MKX: variants seen among roughly 807,000 people sequenced by gnomAD.
The protein encoded by MKX is homeobox protein Mohawk.
In MKX, 13 loss-of-function variants were observed where a neutral mutation model predicts 36.0. That is an observed-to-expected ratio of 0.36 (90% CI 0.24 to 0.57). MKX has a LOEUF of 0.57. MKX is among the 20% of genes least tolerant of loss of function. The probability of loss-of-function intolerance (pLI) is 0.79; values close to 1 mark genes in which losing one functional copy is unlikely to be tolerated. For missense variants in MKX, 458 were observed against 456.4 expected (o/e 1.00, Z -0.03); for synonymous variants, 176 against 178.3 (o/e 0.99, Z 0.10).
At chr10:27,689,418 G>A (rs1291531259) in intron 5 of MKX, among the ~76,000 whole-genome samples, 1 of 152,168 alleles carries the variant, frequency 6.6e-6, no homozygotes, top group African/African-American at 2.4e-5. Flanking sequence ...TACTTGGCAT[G>A]TCGGTGTTCT....
In MKX at chr10:27,734,517, A is replaced by C; in HGVS notation, c.777T>G (p.Phe259Leu). ...ACGATGGAGACACTAATTCTTCCTCAAATTCATTGGAGCTAAAAGATCCCG... is the reference window on the plus strand; with the variant it reads ...ACGATGGAGACACTAATTCTTCCTCCAATTCATTGGAGCTAAAAGATCCCG... ...NHSGSFSSNE[F>L]EEELVSPSSS... is the part of the protein sequence containing the mutation. Residue 259 changes from phenylalanine (F) to leucine (L), a missense_variant, in exon 5 of 7, where the codon TTT becomes TTG. Around this residue, in one of 3 missense-constraint regions of MKX, gnomAD observed 297 missense variants for 304.4 expected, o/e 0.98. Transcript: ENST00000419761. 6.2e-7 allele frequency: 1 copy of C among 1,614,184 alleles called. No homozygotes were observed. The highest frequency in any genetic ancestry group is 8.5e-7 in the Non-Finnish European group (1 of 1,180,026).
chr10:27,674,900 G>A lies in MKX; in HGVS notation c.*329C>T, dbSNP rs1384897903. On this transcript the variant is annotated 3_prime_UTR_variant, in exon 7 of 7. Transcript: ENST00000419761. ...TGGAATGATGCACACAGGCTAATAA[G>A]CATATGGCGTTGGCATTTTGAGGCA... is the stretch of plus-strand genomic sequence containing the variant. 2.3e-5 allele frequency: 5 copies of A among 220,874 alleles called. No individual in the cohort carries two copies. The highest frequency in any genetic ancestry group is 4.5e-5 in the Non-Finnish European group (5 of 110,826). 13.7% of individuals were successfully genotyped at this position (220,874 alleles called of 1,614,324 possible). A position where few individuals can be genotyped will look rare whatever the true frequency, so the allele number is the denominator to read the frequency against.
chr10:27,743,773 G>T (rs1253570656), intron 1 of MKX, among the ~76,000 whole-genome samples: 1 of 152,268 alleles, frequency 6.6e-6, no homozygotes, highest in South Asian at 2.1e-4. Flanking sequence ...TCATTCACCC[G>T]CAGAGGCAAA....
intron 5 of MKX, among the ~76,000 whole-genome samples, chr10:27,728,398 A>G (rs1287939301): frequency 6.6e-6 from 1 of 152,228 alleles, no homozygotes. Context: ...CAGGGGGAAT[A>G]TTCACTGCTC....
intron 5 of MKX, among the ~76,000 whole-genome samples, chr10:27,724,613 C>G (rs1367173085): frequency 6.6e-6 from 1 of 152,094 alleles, no homozygotes; most frequent in Non-Finnish European, 1.5e-5. Context: ...TGTCATCCCT[C>G]AAATTGTTTC....
rs915094884 is a variant in MKX, at chr10:27,744,581, C to G, written c.-82-1084G>C. On this transcript the variant is annotated intron_variant, in intron 1 of 6. Transcript: ENST00000419761. This position sits in a 1 kb window ranked among gnomAD's most constrained non-coding sequence, Gnocchi z 5.6. ...AGGCGCGCGGCGGACTTCGCCCGCC[C>G]CATCTCCTCGCCTCGCGCCTCGGGA... Among the ~76,000 whole-genome samples, 5 of 152,152 alleles carry G rather than the reference C, an allele frequency of 3.3e-5. No homozygotes were observed. Among genetic ancestry groups the G allele is most frequent in the East Asian group, 1.9e-4 (1 of 5,162 alleles).
chr10:27,725,949 C>T (rs566042033), intron 5 of MKX, among the ~76,000 whole-genome samples: 25 of 152,150 alleles, frequency 1.6e-4, no homozygotes, highest in Admixed American at 6.5e-4. Context: ...TGATTTTTTA[C>T]GACTTATTTA....
In MKX at chr10:27,743,326, G is replaced by A. The variant is rs1363723361; in HGVS notation, c.90C>T (p.Tyr30=). 6.3e-7 allele frequency: 1 copy of A among 1,585,420 alleles called. No homozygotes were observed. Among genetic ancestry groups the A allele is most frequent in the Non-Finnish European group, 8.6e-7 (1 of 1,168,602 alleles). The change falls in exon 2 of 7, where the codon TAC becomes TAT. Residue 30 remains tyrosine (Y), a synonymous_variant. Transcript: ENST00000419761. ...CGTGAGGACTGTCCAGGACACCGCT[G>A]TAGGGCCGGCCACCCCGCTCCCGCT... ...ASERERGGRP[Y]SGVLDSPHAR...
intron 5 of MKX, among the ~76,000 whole-genome samples, chr10:27,694,737 T>C (rs567568181): frequency 6.6e-6 from 1 of 150,974 alleles, no homozygotes; most frequent in East Asian, 1.9e-4. Flanking sequence ...CTAAATTCTC[T>C]CCAGGCATCC....
chr10:27,718,173 G>C (rs1006500626), intron 5 of MKX, among the ~76,000 whole-genome samples: 1 of 151,918 alleles, frequency 6.6e-6, no homozygotes, highest in Non-Finnish European at 1.5e-5. Context: ...AATCTAAAGC[G>C]CTAAGCAAAG....
chr10:27,684,815 G>A (rs77569690), intron 5 of MKX, among the ~76,000 whole-genome samples: 1 of 152,224 alleles, frequency 6.6e-6, no homozygotes, highest in East Asian at 1.9e-4. Flanking sequence ...GGAGCGGGGG[G>A]TTTGAGATGA....
chr10:27,713,671 G>T (rs980273774), intron 5 of MKX, among the ~76,000 whole-genome samples: 1 of 152,234 alleles, frequency 6.6e-6, no homozygotes, highest in African/African-American at 2.4e-5. Context: ...TAAAATAACA[G>T]ATGTTCAGGT....
At chr10:27,706,545 CTGTGTGTGTGTGTG>C (rs60800576) in intron 5 of MKX, among the ~76,000 whole-genome samples, 12 of 144,896 alleles carry the variant, frequency 8.3e-5, no homozygotes, top group Non-Finnish European at 1.4e-4. Context: ...TCGTTAATTC[CTGTGTGTGTGTGTG>C]TGTGTGTGTG....
chr10:27,741,845 C>T lies in MKX; in HGVS notation c.189-341G>A, dbSNP rs879914936. 2.0e-5 allele frequency among the ~76,000 whole-genome samples: 3 copies of T among 152,224 alleles called. No homozygotes were observed. Among genetic ancestry groups the T allele is most frequent in the Non-Finnish European group, 4.4e-5 (3 of 68,038 alleles). On this transcript the variant is annotated intron_variant, in intron 2 of 6. Coordinates refer to ENST00000419761, the MANE Select transcript of MKX (RefSeq NM_173576.3). The surrounding 1 kb of genome is among the most constrained non-coding windows in gnomAD (Gnocchi z 5.1). ...GGGCTAACTGCTACCCTTCCCTCAC[C>T]CGCTGGCGCCGCACCCTCGAGTGGC...
At chr10:27,729,981 C>T (rs1307664171) in intron 5 of MKX, among the ~76,000 whole-genome samples, 1 of 151,874 alleles carries the variant, frequency 6.6e-6, no homozygotes, top group Non-Finnish European at 1.5e-5. Context: ...CACCTGGGGG[C>T]TAGAGGCTTG....
intron 5 of MKX, among the ~76,000 whole-genome samples, chr10:27,722,482 C>T (rs939789144): frequency 1.4e-4 from 21 of 152,210 alleles, no homozygotes; most frequent in Admixed American, 9.8e-4. Flanking sequence ...CATACATCTT[C>T]GTTTTACAGC....
chr10:27,676,710 C>T (rs117256502), intron 5 of MKX, among the ~76,000 whole-genome samples: 2,180 of 152,220 alleles, frequency 0.014, 15 homozygotes, highest in South Asian at 0.036. Flanking sequence ...AAAGGATGGG[C>T]AAATAGTTCC....
intron 5 of MKX, among the ~76,000 whole-genome samples, chr10:27,702,822 T>C (rs1163978885): frequency 6.6e-6 from 1 of 152,108 alleles, no homozygotes; most frequent in African/African-American, 2.4e-5. Context: ...CAACAAAAAA[T>C]CTTGAAAAAT....
At chr10:27,682,044 C>T (rs952198547) in intron 5 of MKX, among the ~76,000 whole-genome samples, 1 of 152,162 alleles carries the variant, frequency 6.6e-6, no homozygotes, top group African/African-American at 2.4e-5. Context: ...CCCTGAAGAC[C>T]TTCCAGTGGG....
Sources: allele counts gnomAD v4.1 joint callset (sites outside exome capture counted in the v4.1 genomes callset), GRCh38; gene constraint gnomAD v4.1.1; regional missense constraint gnomAD v4.1.1; non-coding constraint Gnocchi (gnomAD v3.1); transcripts MANE v1.5; gene names NCBI Gene and HGNC (gene_info 2026-07-23, HGNC 2026-07-21).